Variants in LINGO2 observed in about 807,000 individuals in gnomAD.
LINGO2 encodes the protein leucine-rich repeat and immunoglobulin-like domain-containing nogo receptor-interacting protein 2.
Under a neutral mutation model 30.6 loss-of-function variants are expected in LINGO2, and 14 were observed. The observed-to-expected ratio is 0.46, with a 90% CI of 0.30 to 0.72. The LOEUF (loss-of-function observed/expected upper bound fraction) is 0.72, where lower values mean the gene tolerates loss of function less well. Ranked by LOEUF, LINGO2 falls within the 30% of genes least tolerant of loss-of-function variation. LINGO2 has a pLI of 0.07. For missense variants in LINGO2, 729 were observed against 751.7 expected (o/e 0.97, Z 0.35); for synonymous variants, 317 against 288.5 (o/e 1.10, Z -1.00).
At chr9:28,409,783 G>A (rs1822673561) in intron 2 of LINGO2, among the ~76,000 whole-genome samples, 1 of 151,866 alleles carries the variant, frequency 6.6e-6, no homozygotes, top group Non-Finnish European at 1.5e-5. Context: ...GCATATTAGA[G>A]TAGAAGGGAC....
chr9:28,571,776 A>G (rs1388148566), intron 1 of LINGO2, among the ~76,000 whole-genome samples: 2 of 151,526 alleles, frequency 1.3e-5, no homozygotes, highest in African/African-American at 4.9e-5. Flanking sequence ...TTTTTAATGG[A>G]CATTGTTCTA....
chr9:28,368,627 C>T (rs7037050), intron 3 of LINGO2, among the ~76,000 whole-genome samples: 2 of 146,110 alleles, frequency 1.4e-5, no homozygotes, highest in Non-Finnish European at 3.0e-5. Context: ...GACGGAGTCT[C>T]GCTTTGTAGC....
At chr9:28,302,403 G>C (rs1266011957) in intron 3 of LINGO2, among the ~76,000 whole-genome samples, 1 of 152,288 alleles carries the variant, frequency 6.6e-6, no homozygotes, top group East Asian at 1.9e-4. Context: ...TTTAGGCTGG[G>C]AGCAATGGCT....
chr9:28,545,666 A>G (rs1161528505), intron 1 of LINGO2, among the ~76,000 whole-genome samples: 2 of 151,682 alleles, frequency 1.3e-5, no homozygotes, highest in African/African-American at 4.8e-5. Flanking sequence ...AGAGGGGGGG[A>G]ACTTTTAGTG....
At chr9:28,624,297 C>G (rs10968687) in intron 1 of LINGO2, among the ~76,000 whole-genome samples, 1 of 151,964 alleles carries the variant, frequency 6.6e-6, no homozygotes, top group African/African-American at 2.4e-5. Context: ...CAGTATGATA[C>G]TAGCTGTGCA....
At chr9:28,304,583 G>A (rs1305709885) in intron 3 of LINGO2, among the ~76,000 whole-genome samples, 2 of 151,716 alleles carry the variant, frequency 1.3e-5, no homozygotes, top group African/African-American at 2.4e-5. Flanking sequence ...TTAGTATTCT[G>A]GTTTTAAAAG....
At chr9:28,656,340 T>C (rs552062805) in intron 1 of LINGO2, among the ~76,000 whole-genome samples, 28 of 152,100 alleles carry the variant, frequency 1.8e-4, no homozygotes, top group Non-Finnish European at 3.7e-4. Flanking sequence ...TCATATTAAT[T>C]ACAAAGAAAA....
chr9:29,000,307 CTT>C, the LINGO2 span, among the ~76,000 whole-genome samples: 97 of 151,820 alleles, frequency 6.4e-4, no homozygotes, highest in Non-Finnish European at 9.6e-4. Flanking sequence ...TTTAAAAAGA[CTT>C]AATATAAATT....
At chr9:28,273,616 C>A (rs574276541) in intron 4 of LINGO2, among the ~76,000 whole-genome samples, 1 of 152,230 alleles carries the variant, frequency 6.6e-6, no homozygotes, top group South Asian at 2.1e-4. Context: ...AACTTTTATC[C>A]ATTTTGTGTT....
chr9:28,490,109 T>G (rs1398983731), intron 1 of LINGO2, among the ~76,000 whole-genome samples: 1 of 152,044 alleles, frequency 6.6e-6, no homozygotes, highest in African/African-American at 2.4e-5. Context: ...TAAAAAGGTA[T>G]ATGGTGTGAG....
chr9:28,568,144 G>C (rs1823486228), intron 1 of LINGO2, among the ~76,000 whole-genome samples: 3 of 152,138 alleles, frequency 2.0e-5, no homozygotes, highest in Non-Finnish European at 4.4e-5. Context: ...ATGGATGACA[G>C]TACCTTTGTG....
At chr9:28,359,658 G>A (rs1201313381) in intron 3 of LINGO2, among the ~76,000 whole-genome samples, 1 of 152,148 alleles carries the variant, frequency 6.6e-6, no homozygotes, top group Non-Finnish European at 1.5e-5. Flanking sequence ...ATAAGCAGCT[G>A]TTTTTTCTAC....
chr9:28,969,284 T>C, the LINGO2 span, among the ~76,000 whole-genome samples: 1 of 152,010 alleles, frequency 6.6e-6, no homozygotes, highest in African/African-American at 2.4e-5. Flanking sequence ...AACACTTGAG[T>C]AAAGTCTTCA....
intron 2 of LINGO2, among the ~76,000 whole-genome samples, chr9:28,444,955 T>C (rs1181947309): frequency 6.6e-6 from 1 of 152,128 alleles, no homozygotes; most frequent in Non-Finnish European, 1.5e-5. Flanking sequence ...TACTCAGGCA[T>C]AAGGTGCTGC....
chr9:28,222,344 T>C (rs60500733), intron 4 of LINGO2, among the ~76,000 whole-genome samples: 7,125 of 152,212 alleles, frequency 0.047, 204 homozygotes, highest in African/African-American at 0.076. Flanking sequence ...ATGACATTGT[T>C]CCCATAAAAT....
intron 1 of LINGO2, among the ~76,000 whole-genome samples, chr9:28,619,732 C>G (rs751593784): frequency 2.6e-5 from 4 of 152,062 alleles, no homozygotes; most frequent in Non-Finnish European, 4.4e-5. Flanking sequence ...TTCTCATATA[C>G]TCAGTTTCAC....
rs117257134 is a variant in LINGO2, at chr9:28,206,319, C to T, written c.-87+88889G>A. Among the ~76,000 whole-genome samples, 372 of 152,126 alleles carry T rather than the reference C, an allele frequency of 2.4e-3. 8 individuals are homozygous for T. The South Asian group carries it at 0.051, about 21-fold the overall frequency. On this transcript the variant is annotated intron_variant, in intron 4 of 5. Coordinates refer to ENST00000379992, the Ensembl canonical transcript of LINGO2. ...AAATGATCAGCACATTTTCTTAGCA[C>T]TCATCTCCAAGAGTAGTATGTCTTC...
intron 2 of LINGO2, among the ~76,000 whole-genome samples, chr9:28,400,976 T>G (rs1207865681): frequency 1.3e-5 from 2 of 152,192 alleles, no homozygotes; most frequent in East Asian, 3.9e-4. Context: ...ATTTCTTTCA[T>G]GGACATTGAA....
the LINGO2 span, among the ~76,000 whole-genome samples, chr9:28,794,239 G>A: frequency 8.5e-5 from 13 of 152,334 alleles, no homozygotes; most frequent in East Asian, 2.3e-3. Flanking sequence ...GGGAGGCAGA[G>A]GTTGCAGTGA....
Sources: gnomAD v4.1 joint callset for allele counts (sites outside exome capture counted in the v4.1 genomes callset) on GRCh38, gnomAD v4.1.1 for gene constraint, MANE v1.5 for transcripts, NCBI Gene and HGNC (gene_info 2026-07-23, HGNC 2026-07-21) for gene names.